The following PDE4B variants were observed in gnomAD, a reference collection of about 807,000 sequenced individuals.
PDE4B encodes the protein 3',5'-cyclic-AMP phosphodiesterase 4B.
In PDE4B, 20 loss-of-function variants were observed where a neutral mutation model predicts 82.2. The ratio of observed to expected loss-of-function variants is 0.24; its 90% CI spans 0.17 to 0.35. The LOEUF is 0.35. PDE4B is among the 10% of genes least tolerant of loss of function. PDE4B has a pLI of 1.00. For missense variants in PDE4B, 655 were observed against 907.2 expected (o/e 0.72, Z 3.57); for synonymous variants, 320 against 318.9 (o/e 1.00, Z -0.04).
rs2503186 is a variant in PDE4B, at chr1:65,995,504, C to G, written c.281+76669C>G. Among the ~76,000 whole-genome samples, 40 of 152,302 alleles carry G rather than the reference C, an allele frequency of 2.6e-4. 1 individual carries two copies. The East Asian group carries it at 7.7e-3, about 29-fold the overall frequency. On this transcript the variant is annotated intron_variant, in intron 3 of 16. Transcript: ENST00000341517. The stretch of plus-strand genomic sequence containing the variant: ...CCTTTTTGTCTCTTGAGCACCCTAA[C>G]GTCTTTCCAATGAATATAGATGGCT...
chr1:66,288,673 A>G (rs1300962042), intron 7 of PDE4B, among the ~76,000 whole-genome samples: 1 of 152,156 alleles, frequency 6.6e-6, no homozygotes, highest in African/African-American at 2.4e-5. Flanking sequence ...AGCTCAAGCT[A>G]GAAATATGGG....
chr1:66,083,562 GA>G (rs1398658624), intron 3 of PDE4B, among the ~76,000 whole-genome samples: 1 of 152,122 alleles, frequency 6.6e-6, no homozygotes, highest in Non-Finnish European at 1.5e-5. Flanking sequence ...AGTATTCTGA[GA>G]GGGTCAGGAA....
intron 3 of PDE4B, among the ~76,000 whole-genome samples, chr1:65,979,928 G>T (rs1411781837): frequency 6.6e-6 from 1 of 152,120 alleles, no homozygotes; most frequent in Non-Finnish European, 1.5e-5. Context: ...GCTGAGGAAG[G>T]TACGAGAAAG....
At chr1:66,313,449 C>G (rs1658806186) in intron 7 of PDE4B, among the ~76,000 whole-genome samples, 1 of 152,062 alleles carries the variant, frequency 6.6e-6, no homozygotes, top group Admixed American at 6.5e-5. Flanking sequence ...TGGCTCTTTT[C>G]TTGAAGATTC....
At chr1:65,860,396 A>G (rs1646440887) in intron 1 of PDE4B, among the ~76,000 whole-genome samples, 1 of 152,192 alleles carries the variant, frequency 6.6e-6, no homozygotes, top group African/African-American at 2.4e-5. Flanking sequence ...TTATGGCTGC[A>G]TAGTATTCCA....
At chr1:66,285,875 A>G (rs1168351154) in intron 7 of PDE4B, among the ~76,000 whole-genome samples, 1 of 152,170 alleles carries the variant, frequency 6.6e-6, no homozygotes, top group African/African-American at 2.4e-5. Context: ...ATGAAGCCAA[A>G]CTAGGGTAAG....
intron 7 of PDE4B, among the ~76,000 whole-genome samples, chr1:66,316,804 A>G (rs1410699576): frequency 1.3e-5 from 2 of 152,262 alleles, no homozygotes; most frequent in Non-Finnish European, 2.9e-5. Flanking sequence ...GAATTCAGTA[A>G]GAGTCTTCAG....
chr1:65,861,679 A>G (rs1396037830), intron 1 of PDE4B, among the ~76,000 whole-genome samples: 1 of 152,194 alleles, frequency 6.6e-6, no homozygotes, highest in Non-Finnish European at 1.5e-5. Flanking sequence ...CCTATCCATG[A>G]GAGTGGAATA....
chr1:66,087,488 CTTTAA>C (rs1557550857), intron 3 of PDE4B, among the ~76,000 whole-genome samples: 1 of 152,030 alleles, frequency 6.6e-6, no homozygotes, highest in East Asian at 1.9e-4. Context: ...TGCAGAAGCT[CTTTAA>C]TTTAATTAGA....
At chr1:66,059,402 C>G (rs187164290) in intron 3 of PDE4B, among the ~76,000 whole-genome samples, 1 of 152,174 alleles carries the variant, frequency 6.6e-6, no homozygotes, top group African/African-American at 2.4e-5. Flanking sequence ...AGCAGCCCCC[C>G]ACTCTACTGG....
intron 1 of PDE4B, among the ~76,000 whole-genome samples, chr1:65,888,792 GATATT>G (rs1453356702): frequency 2.0e-5 from 3 of 151,998 alleles, no homozygotes; most frequent in East Asian, 3.9e-4. Flanking sequence ...TTTGTATATT[GATATT>G]ATATCATGAA....
At chr1:66,090,621 A>ATATATATATATATATG in intron 3 of PDE4B, among the ~76,000 whole-genome samples, 43 of 122,718 alleles carry the variant, frequency 3.5e-4, no homozygotes, top group African/African-American at 1.7e-3. Flanking sequence ...TATATAATAT[A>ATATATATATATATATG]TGTGTGTGTG....
intron 6 of PDE4B, among the ~76,000 whole-genome samples, chr1:66,258,195 A>T (rs1418705107): frequency 1.3e-5 from 2 of 152,220 alleles, no homozygotes; most frequent in Non-Finnish European, 2.9e-5. Flanking sequence ...TTCTATTAAA[A>T]TTCTTTTTGA....
chr1:66,075,096 T>C (rs1010317699), intron 3 of PDE4B, among the ~76,000 whole-genome samples: 3 of 151,940 alleles, frequency 2.0e-5, no homozygotes, highest in Non-Finnish European at 4.4e-5. Flanking sequence ...AGAGGAGGGC[T>C]ACTCCACAGG....
At chr1:66,208,272 G>A (rs1404629937) in intron 3 of PDE4B, among the ~76,000 whole-genome samples, 1 of 152,096 alleles carries the variant, frequency 6.6e-6, no homozygotes, top group Non-Finnish European at 1.5e-5. Flanking sequence ...ATTGATATTG[G>A]TTGCTTTTAT....
chr1:65,910,548 A>T (rs1233817480), intron 1 of PDE4B, among the ~76,000 whole-genome samples: 1 of 152,186 alleles, frequency 6.6e-6, no homozygotes, highest in Non-Finnish European at 1.5e-5. Flanking sequence ...AGAAGCTGAA[A>T]GAGAGTTTAA....
intron 3 of PDE4B, among the ~76,000 whole-genome samples, chr1:65,976,810 G>T (rs1318583196): frequency 2.6e-5 from 4 of 152,008 alleles, no homozygotes; most frequent in Non-Finnish European, 4.4e-5. Context: ...GTTTCCTGAG[G>T]CTTCCTAGCA....
intron 3 of PDE4B, among the ~76,000 whole-genome samples, chr1:66,150,341 A>G (rs907997582): frequency 3.9e-5 from 6 of 152,292 alleles, no homozygotes; most frequent in East Asian, 1.9e-4. Context: ...CACATTATTC[A>G]TTGCTAACAT....
intron 3 of PDE4B, among the ~76,000 whole-genome samples, chr1:66,135,117 G>A (rs1646030275): frequency 6.6e-6 from 1 of 152,184 alleles, no homozygotes; most frequent in Non-Finnish European, 1.5e-5. Flanking sequence ...GAAGCAGCAA[G>A]CACCCATGTG....
Sources: allele counts gnomAD v4.1 joint callset (sites outside exome capture counted in the v4.1 genomes callset), GRCh38; gene constraint gnomAD v4.1.1; transcripts MANE v1.5; gene names NCBI Gene and HGNC (gene_info 2026-07-23, HGNC 2026-07-21).